Variants in DMXL1 observed in about 807,000 individuals in gnomAD.
DMXL1 encodes the protein dmX-like protein 1.
In DMXL1, 99 loss-of-function variants were observed where a neutral mutation model predicts 319.2. That is an observed-to-expected ratio of 0.31 (90% CI 0.26 to 0.37). The LOEUF (loss-of-function observed/expected upper bound fraction) is 0.37. DMXL1 is among the 10% of genes least tolerant of loss of function. The pLI is 1.00. For synonymous variants in DMXL1, 1,385 were observed against 1,235.2 expected (o/e 1.12, Z -2.54); for missense variants, 3,745 against 3,595.6 (o/e 1.04, Z -1.06).
At chr5:119,238,752 A>C (rs977770126) in intron 40 of DMXL1, 2 of 274,946 alleles carry the variant, frequency 7.3e-6, no homozygotes, top group African/African-American at 4.6e-5. Context: ...CAAATATGAA[A>C]GAGAAGTAGA....
chr5:119,166,720 A>T lies in DMXL1; in HGVS notation c.5075A>T (p.Gln1692Leu). Residue 1692 changes from glutamine to leucine, a missense_variant, in exon 22 of 44, where the codon CAA becomes CTA. Gln to Leu is a moderately radical substitution (Grantham distance 113). Transcript: ENST00000539542. Reference sequence around the variant, plus strand: ...AATGCTTTTTCTTTGCTAGGCAAACAAAGATTTGAACATTCTGCAGCATTT... The same window carrying T: ...AATGCTTTTTCTTTGCTAGGCAAACTAAGATTTGAACATTCTGCAGCATTT... ...LKNAFSLLGK[Q>L]RFEHSAAFFL... 1.2e-6 allele frequency: 2 copies of T among 1,613,298 alleles called. No homozygotes were observed. Among genetic ancestry groups the T allele is most frequent in the Non-Finnish European group, 1.7e-6 (2 of 1,179,690 alleles).
chr5:119,201,879 A>G (rs1279786089), intron 32 of DMXL1, among the ~76,000 whole-genome samples: 1 of 151,956 alleles, frequency 6.6e-6, no homozygotes, highest in Non-Finnish European at 1.5e-5. Context: ...GTAGTTTCTG[A>G]TGGTTATTTT....
rs1432360309 is a variant in DMXL1, at chr5:119,147,453, G to A, written c.2894G>A (p.Ser965Asn). 3 of 1,612,714 alleles carry A rather than the reference G, an allele frequency of 1.9e-6. No homozygotes were observed. The highest frequency in any genetic ancestry group is 2.5e-6 in the Non-Finnish European group (3 of 1,179,172). The change falls in exon 17 of 44, where the codon AGT (serine) becomes AAT (asparagine). Residue 965 changes from serine to asparagine, a missense_variant. Ser to Asn is a conservative substitution (Grantham distance 46). Transcript: ENST00000539542. ...LHLPEGVEII[S>N]IKPSAGHLSS... ...TTACCAGAAGGAGTTGAGATAATAA[G>A]TATTAAGCCATCAGCAGGTTTGTAA...
chr5:119,114,874 T>G (rs1026995388), intron 6 of DMXL1, among the ~76,000 whole-genome samples: 1 of 152,180 alleles, frequency 6.6e-6, no homozygotes, highest in African/African-American at 2.4e-5. Context: ...TTCACCATAT[T>G]GGCCAGGCTG....
At chr5:119,128,553 C>T (rs1450271034) in intron 9 of DMXL1, 1 of 156,642 alleles carries the variant, frequency 6.4e-6, no homozygotes, top group Non-Finnish European at 1.4e-5. Context: ...TTGTTCAGAC[C>T]CGTAGAATGT....
intron 7 of DMXL1, 33 bp downstream of exon 7, chr5:119,116,369 A>G (rs369997739): frequency 1.3e-6 from 2 of 1,588,428 alleles, no homozygotes; most frequent in Non-Finnish European, 1.7e-6. Context: ...TCCACATATT[A>G]AGGGAGCATC....
intron 1 of DMXL1, among the ~76,000 whole-genome samples, chr5:119,097,183 A>G (rs1249117213): frequency 1.3e-5 from 2 of 152,240 alleles, no homozygotes; most frequent in Non-Finnish European, 2.9e-5. Context: ...AGATGGGTTT[A>G]TAGAAGGACC....
chr5:119,243,018 A>G (rs536644707), intron 42 of DMXL1, among the ~76,000 whole-genome samples: 2 of 152,186 alleles, frequency 1.3e-5, no homozygotes, highest in African/African-American at 4.8e-5. Context: ...AATTGGATAG[A>G]AGTCAGAATA....
chr5:119,142,071 G>A (rs1490291544), intron 13 of DMXL1, among the ~76,000 whole-genome samples: 1 of 152,118 alleles, frequency 6.6e-6, no homozygotes, highest in Non-Finnish European at 1.5e-5. Context: ...GTAGAAAATT[G>A]AAACTGGATC....
At chr5:119,167,582 A>G in intron 22 of DMXL1, 21 bp from the exon 23 acceptor site, 3 of 1,535,380 alleles carry the variant, frequency 2.0e-6, no homozygotes, top group Non-Finnish European at 2.6e-6. Context: ...GCTTATTTAA[A>G]AACAATATTT....
chr5:119,186,570 A>G (rs1581213704), intron 28 of DMXL1, among the ~76,000 whole-genome samples: 2 of 152,230 alleles, frequency 1.3e-5, no homozygotes, highest in Non-Finnish European at 2.9e-5. Context: ...TAAACTGAAA[A>G]GTAAATATTA....
At chr5:119,138,904 G>A (rs920749229) in intron 13 of DMXL1, 3 of 152,210 alleles carry the variant, frequency 2.0e-5, no homozygotes, top group Non-Finnish European at 4.4e-5. Context: ...ATAATACTGA[G>A]AAGATGAGCA....
At chr5:119,094,870 A>G (rs1378852188) in intron 1 of DMXL1, among the ~76,000 whole-genome samples, 9 of 134,082 alleles carry the variant, frequency 6.7e-5, no homozygotes, top group Middle Eastern at 3.6e-3. Flanking sequence ...TTTTTTTTTT[A>G]ATTTTTTATT....
At position 119,196,443 on chromosome 5, in the gene DMXL1, T is replaced by G. The variant is rs1779637920; in HGVS notation, c.7530T>G (p.Gly2510=). 6 of 1,612,922 alleles carry G rather than the reference T, an allele frequency of 3.7e-6. No homozygotes were observed. The highest frequency in any genetic ancestry group is 1.7e-5 in the Admixed American group (1 of 59,974). The stretch of plus-strand genomic sequence containing the variant: ...TGAAGACTTTTTATCCCTTCGCAGG[T>G]CATGATCTTGCAGGTAATAAATAGC... ...NNLKTFYPFA[G]HDLAELPVSS... Residue 2510 remains glycine, a synonymous_variant, in exon 31 of 44, where the codon GGT becomes GGG. Transcript: ENST00000539542.
intron 39 of DMXL1, among the ~76,000 whole-genome samples, chr5:119,235,917 G>A (rs1340776489): frequency 6.6e-6 from 1 of 152,002 alleles, no homozygotes; most frequent in Non-Finnish European, 1.5e-5. Flanking sequence ...CATTCCATGT[G>A]TATACCCTTT....
chr5:119,189,578 A>C, intron 28 of DMXL1, 130 bp from the exon 29 acceptor site: 7 of 793,386 alleles, frequency 8.8e-6, no homozygotes, highest in Non-Finnish European at 1.2e-5. Flanking sequence ...CCTGCTGTGT[A>C]CTTTCATAAT....
At chr5:119,225,561 T>A (rs1409379189) in intron 38 of DMXL1, among the ~76,000 whole-genome samples, 4 of 152,118 alleles carry the variant, frequency 2.6e-5, no homozygotes. Context: ...TAATAGCCTA[T>A]TAAAAACTTT....
chr5:119,222,355 A>G (rs1784791705), intron 37 of DMXL1, among the ~76,000 whole-genome samples: 1 of 151,980 alleles, frequency 6.6e-6, no homozygotes, highest in Non-Finnish European at 1.5e-5. Context: ...TAAGGATTAA[A>G]ATGAACTTGA....
chr5:119,144,379 TTAATC>T (rs1212267711), intron 14 of DMXL1, among the ~76,000 whole-genome samples, 152 bp from the exon 15 acceptor site: 1 of 151,888 alleles, frequency 6.6e-6, no homozygotes, highest in Non-Finnish European at 1.5e-5. Flanking sequence ...ATTCATCTGT[TTAATC>T]TAATGGAGGT....
Sources: allele counts gnomAD v4.1 joint callset (sites outside exome capture counted in the v4.1 genomes callset), GRCh38; gene constraint gnomAD v4.1.1; transcripts MANE v1.5; gene names NCBI Gene and HGNC (gene_info 2026-07-23, HGNC 2026-07-21).